Variants in SLC9C1 observed in about 807,000 individuals in gnomAD.
The protein encoded by SLC9C1 is solute carrier family 9 member C1, also known as sodium/hydrogen exchanger 10.
Under a neutral mutation model 140.9 loss-of-function variants are expected in SLC9C1, and 97 were observed. The ratio of observed to expected loss-of-function variants is 0.69; its 90% CI spans 0.58 to 0.82. The LOEUF (loss-of-function observed/expected upper bound fraction) is 0.82. SLC9C1 is among the 40% of genes least tolerant of loss of function. The pLI is 0.00. For synonymous variants in SLC9C1, 440 were observed against 442.6 expected, an observed-to-expected ratio of 0.99 and a Z score of 0.07; for missense variants, 1,340 against 1,389.3, an observed-to-expected ratio of 0.96 and a Z score of 0.56.
At chr3:112,237,363 A>T (rs2079017772) in intron 12 of SLC9C1, among the ~76,000 whole-genome samples, 1 of 151,392 alleles carries the variant, frequency 6.6e-6, no homozygotes, top group South Asian at 2.1e-4. Context: ...TGCACGTGAG[A>T]TGGGTTTCCT....
At chr3:112,193,035 A>G (rs889517192) in intron 20 of SLC9C1, among the ~76,000 whole-genome samples, 5 of 151,824 alleles carry the variant, frequency 3.3e-5, no homozygotes, top group Non-Finnish European at 7.4e-5. Context: ...GGTAGAATGC[A>G]TTGGCTTTGG....
chr3:112,249,528 G>T (rs2079388955), intron 10 of SLC9C1, among the ~76,000 whole-genome samples: 1 of 152,088 alleles, frequency 6.6e-6, no homozygotes, highest in Admixed American at 6.6e-5. Flanking sequence ...TTTAGTAGAA[G>T]TGGTACCAGC....
intron 28 of SLC9C1, among the ~76,000 whole-genome samples, chr3:112,143,737 A>G (rs1207740054): frequency 6.6e-6 from 1 of 152,086 alleles, no homozygotes; most frequent in East Asian, 1.9e-4. Flanking sequence ...CTTTAGTTTA[A>G]TTAGGTCCTA....
rs1294705484 is a variant in SLC9C1, at chr3:112,235,509, A to G, written c.1447-4023T>C. Among the ~76,000 whole-genome samples, 5 of 150,658 alleles carry G rather than the reference A, an allele frequency of 3.3e-5. No individual in the cohort carries two copies. The South Asian group carries it at 8.5e-4, about 26-fold the overall frequency. ...TGCCCTGGCCAGACCTTCCAACACT[A>G]TGTTGAATAGGAGTGGTGAGAGAGG... is the stretch of plus-strand genomic sequence containing the variant. On this transcript the variant is annotated intron_variant, in intron 12 of 28. Coordinates refer to ENST00000305815, the MANE Select transcript of SLC9C1 (RefSeq NM_183061.3).
chr3:112,255,037 A>G (rs981220440), intron 10 of SLC9C1, among the ~76,000 whole-genome samples: 16 of 152,186 alleles, frequency 1.1e-4, no homozygotes, highest in African/African-American at 3.6e-4. Flanking sequence ...AGACCTAACT[A>G]TACTAAATAT....
At chr3:112,169,148 G>A in intron 24 of SLC9C1, 49 bp downstream of exon 24, 1 of 1,595,150 alleles carries the variant, frequency 6.3e-7, no homozygotes, top group Non-Finnish European at 8.5e-7. Flanking sequence ...ATGTTTTAAT[G>A]CCATTCCATT....
At chr3:112,212,889 C>G (rs764924353) in intron 15 of SLC9C1, among the ~76,000 whole-genome samples, 8 of 152,082 alleles carry the variant, frequency 5.3e-5, no homozygotes, top group Non-Finnish European at 8.8e-5. Context: ...AGAACAACCC[C>G]AAGACACATA....
rs376756982 is a variant in SLC9C1 at position 112,240,026 on chromosome 3, T to G, written c.1280-20A>C. On this transcript the variant is annotated intron_variant, in intron 11 of 28. Coordinates refer to ENST00000305815, the MANE Select transcript of SLC9C1 (RefSeq NM_183061.3). ...GAAGACCTTTGATACAAACACACAT[T>G]TGATAAATAGTAGAAACACCACAAT... 6.3e-7 allele frequency: 1 copy of G among 1,591,672 alleles called. No individual in the cohort carries two copies.
intron 11 of SLC9C1, 77 bp downstream of exon 11, chr3:112,243,917 CT>C: frequency 9.4e-7 from 1 of 1,064,384 alleles, no homozygotes; most frequent in African/African-American, 1.6e-5. Flanking sequence ...TATATGGATT[CT>C]TTCTTTATTA....
intron 6 of SLC9C1, among the ~76,000 whole-genome samples, chr3:112,271,167 G>A (rs1025000735): frequency 1.3e-5 from 2 of 152,062 alleles, no homozygotes; most frequent in African/African-American, 4.8e-5. Flanking sequence ...CAGAGGCTGG[G>A]GATGTAGGGA....
intron 2 of SLC9C1, among the ~76,000 whole-genome samples, chr3:112,285,139 A>G (rs2080471586): frequency 6.6e-6 from 1 of 151,816 alleles, no homozygotes; most frequent in South Asian, 2.1e-4. Context: ...GGTGCCTGCC[A>G]CCATGCCTGG....
At chr3:112,277,588 A>T in intron 5 of SLC9C1, 107 bp downstream of exon 5, 1 of 991,604 alleles carries the variant, frequency 1.0e-6, no homozygotes, top group Non-Finnish European at 1.4e-6. Flanking sequence ...ATCCCTCACT[A>T]CCTGACTTCT....
At chr3:112,214,061 A>T in intron 15 of SLC9C1, among the ~76,000 whole-genome samples, 1 of 152,220 alleles carries the variant, frequency 6.6e-6, no homozygotes, top group East Asian at 1.9e-4. Context: ...AACTCACTCA[A>T]AATCGCTCAA....
At chr3:112,228,447 G>A (rs1235407395) in intron 13 of SLC9C1, among the ~76,000 whole-genome samples, 1 of 152,052 alleles carries the variant, frequency 6.6e-6, no homozygotes, top group East Asian at 1.9e-4. Flanking sequence ...AAACGGAGGA[G>A]AAACACTTCA....
intron 6 of SLC9C1, among the ~76,000 whole-genome samples, chr3:112,272,829 G>T (rs7642496): frequency 7.2e-5 from 11 of 152,044 alleles, no homozygotes; most frequent in South Asian, 6.2e-4. Context: ...ATGGTTAAAT[G>T]CTCAGGTCCT....
At chr3:112,164,749 T>G (rs1452065170) in intron 26 of SLC9C1, among the ~76,000 whole-genome samples, 2 of 151,876 alleles carry the variant, frequency 1.3e-5, no homozygotes, top group Non-Finnish European at 1.5e-5. Flanking sequence ...CAATTATGTG[T>G]CTTGGAGTTG....
At position 112,263,041 on chromosome 3, in the gene SLC9C1, A is replaced by C; in HGVS notation, c.1080T>G (p.Ser360Arg). 6.2e-7 allele frequency: 1 copy of C among 1,602,370 alleles called. No individual in the cohort carries two copies. Among genetic ancestry groups the C allele is most frequent in the Non-Finnish European group, 8.5e-7 (1 of 1,175,094 alleles). ...AGACCATTATGAATATCCAGCGCCAACTGAACTCATGACCAACTCGAGACA... is the reference window on the plus strand; with the variant it reads ...AGACCATTATGAATATCCAGCGCCACCTGAACTCATGACCAACTCGAGACA... Reference protein sequence around the residue: ...PVLSRVGHEFSWRWIFIMVCS... With the variant: ...PVLSRVGHEFRWRWIFIMVCS... Residue 360 changes from serine to arginine, a missense_variant, in exon 10 of 29, where the codon AGT (serine) becomes AGG (arginine). Physicochemically the swap from Ser to Arg is moderately radical, Grantham distance 110 (BLOSUM62 -1). Transcript: ENST00000305815.
chr3:112,185,596 G>A (rs539391811), intron 20 of SLC9C1: 8 of 1,601,924 alleles, frequency 5.0e-6, no homozygotes, highest in Non-Finnish European at 6.8e-6. Context: ...CCCAGGGCTC[G>A]CCCGAAGCCC....
In SLC9C1 at chr3:112,277,831, C is replaced by G; in HGVS notation, c.348G>C (p.Leu116Phe). The change falls in exon 5 of 29, where the codon TTG (leucine) becomes TTC (phenylalanine). Residue 116 changes from leucine (L) to phenylalanine (F), a missense_variant. Leu to Phe is a conservative substitution (Grantham distance 22, BLOSUM62 0). Transcript: ENST00000305815. Reference protein sequence around the residue: ...QILLISIPGFLVNYILVLWHL... With the variant: ...QILLISIPGFFVNYILVLWHL... The stretch of plus-strand genomic sequence containing the variant: ...GCCAAAGAACTAAGATATAATTAAC[C>G]AAAAAGCCGGGAATTGAAATTAAAA... 1 of 1,599,290 alleles carries G rather than the reference C, an allele frequency of 6.3e-7. No homozygotes were observed. The highest frequency in any genetic ancestry group is 2.2e-5 in the East Asian group (1 of 44,650).
Sources: allele counts gnomAD v4.1 joint callset (sites outside exome capture counted in the v4.1 genomes callset), GRCh38; gene constraint gnomAD v4.1.1; transcripts MANE v1.5; gene names NCBI Gene and HGNC (gene_info 2026-07-23, HGNC 2026-07-21).